The following SSBP2 variants were observed in gnomAD, a reference collection of about 807,000 sequenced individuals.
SSBP2 encodes single stranded DNA binding protein 2, also known as single-stranded DNA-binding protein 2.
SSBP2 carries 17 observed loss-of-function variants against 61.8 expected under a neutral mutation model. The ratio of observed to expected loss-of-function variants is 0.28; its 90% CI spans 0.19 to 0.41. The LOEUF (loss-of-function observed/expected upper bound fraction) is 0.41, where lower values mean the gene tolerates loss of function less well. Ranked by LOEUF, SSBP2 falls within the 10% of genes least tolerant of loss-of-function variation. The probability of loss-of-function intolerance (pLI) is 1.00; values close to 1 mark genes in which losing one functional copy is unlikely to be tolerated. For synonymous variants in SSBP2, 139 were observed against 141.3 expected, an observed-to-expected ratio of 0.98 and a Z score of 0.12; for missense variants, 310 against 458.7, an observed-to-expected ratio of 0.68 and a Z score of 2.96.
intron 4 of SSBP2, among the ~76,000 whole-genome samples, chr5:81,525,474 G>T (rs1769850952): frequency 6.6e-6 from 1 of 151,916 alleles, no homozygotes; most frequent in Non-Finnish European, 1.5e-5. Context: ...AAGGATAATG[G>T]TCTTCAGTAG....
chr5:81,479,842 G>A (rs1170027360), intron 6 of SSBP2, among the ~76,000 whole-genome samples: 1 of 152,072 alleles, frequency 6.6e-6, no homozygotes, highest in Admixed American at 6.6e-5. Context: ...ATTTGTCCAT[G>A]GTTATGCTAT....
chr5:81,460,981 G>A, intron 10 of SSBP2, 74 bp downstream of exon 10: 1 of 964,284 alleles, frequency 1.0e-6, no homozygotes, highest in Non-Finnish European at 1.4e-6. Context: ...GCTTTCAAAA[G>A]CAAAATGTTT....
intron 4 of SSBP2, among the ~76,000 whole-genome samples, chr5:81,574,727 G>C (rs547317105): frequency 1.3e-4 from 20 of 151,886 alleles, no homozygotes. Flanking sequence ...GCATGTACAA[G>C]ACTGACAGCT....
At chr5:81,650,364 T>C (rs951957011) in intron 1 of SSBP2, 25 bp from the exon 2 acceptor site, 1 of 1,434,110 alleles carries the variant, frequency 7.0e-7, no homozygotes, top group South Asian at 1.3e-5. Flanking sequence ...AAATATTTAT[T>C]GAGAAGAGGA....
At chr5:81,461,602 C>A (rs1042921958) in intron 9 of SSBP2, among the ~76,000 whole-genome samples, 79 of 147,326 alleles carry the variant, frequency 5.4e-4, no homozygotes, top group African/African-American at 2.0e-3. Context: ...TAAAAAAAAA[C>A]CACAGAGTAT....
At chr5:81,622,838 C>T (rs1237951012) in intron 3 of SSBP2, among the ~76,000 whole-genome samples, 1 of 152,044 alleles carries the variant, frequency 6.6e-6, no homozygotes, top group East Asian at 1.9e-4. Flanking sequence ...AAGTTAAGTT[C>T]ATAATTAATT....
chr5:81,474,505 G>T lies in SSBP2; in HGVS notation c.490C>A (p.Arg164=), dbSNP rs1765458310. Residue 164 remains arginine, a synonymous_variant, in exon 7 of 17, where the codon CGA becomes AGA. Coordinates refer to ENST00000320672, the MANE Select transcript of SSBP2 (RefSeq NM_012446.5). ...ACTTTAGAGTAGTCACCTTGTTGTCGAGTTGGATCCATTCCACTGGGGAGT... is the reference window on the plus strand; with the variant it reads ...ACTTTAGAGTAGTCACCTTGTTGTCTAGTTGGATCCATTCCACTGGGGAGT... 2 of 1,612,160 alleles carry T rather than the reference G, an allele frequency of 1.2e-6. No homozygotes were observed. Among genetic ancestry groups the T allele is most frequent in the Non-Finnish European group, 1.7e-6 (2 of 1,178,824 alleles).
rs190536021 is a variant in SSBP2 at position 81,695,039 on chromosome 5, A to C, written c.63-44700T>G. 3.2e-3 allele frequency among the ~76,000 whole-genome samples: 483 copies of C among 152,336 alleles called. 9 individuals carry two copies. Among genetic ancestry groups the C allele is most frequent in the East Asian group, 1.9e-3 (10 of 5,186 alleles). On this transcript the variant is annotated intron_variant, in intron 1 of 16. Coordinates refer to ENST00000320672, the MANE Select transcript of SSBP2 (RefSeq NM_012446.5). Reference sequence around the variant, plus strand: ...AAACAAAACTCAAATAACCAGGTCTAAACCTTGCAATGTAGCTTCAATTAC... The same window carrying C: ...AAACAAAACTCAAATAACCAGGTCTCAACCTTGCAATGTAGCTTCAATTAC...
chr5:81,668,828 T>C (rs1297490058), intron 1 of SSBP2, among the ~76,000 whole-genome samples: 1 of 152,130 alleles, frequency 6.6e-6, no homozygotes, highest in Non-Finnish European at 1.5e-5. Context: ...ACAGAAAATT[T>C]AAAGACAGAA....
At chr5:81,718,975 G>A (rs565030567) in intron 1 of SSBP2, among the ~76,000 whole-genome samples, 4 of 152,118 alleles carry the variant, frequency 2.6e-5, no homozygotes, top group East Asian at 1.9e-4. Context: ...TATAACTAAC[G>A]AACACTAAAT....
At chr5:81,705,261 C>T (rs921262802) in intron 1 of SSBP2, among the ~76,000 whole-genome samples, 1 of 151,950 alleles carries the variant, frequency 6.6e-6, no homozygotes, top group African/African-American at 2.4e-5. Context: ...TTTCTATACT[C>T]CTCTTATTAA....
At chr5:81,480,191 T>C (rs538714130) in intron 6 of SSBP2, among the ~76,000 whole-genome samples, 58 of 152,304 alleles carry the variant, frequency 3.8e-4, no homozygotes, top group African/African-American at 1.4e-3. Flanking sequence ...CATAAAAGAA[T>C]TATTTAGTTC....
chr5:81,629,555 T>C (rs976637140), intron 3 of SSBP2, among the ~76,000 whole-genome samples: 3 of 152,214 alleles, frequency 2.0e-5, no homozygotes, highest in African/African-American at 7.2e-5. Flanking sequence ...TTGCTCCAAT[T>C]ACCCTTCTCT....
intron 4 of SSBP2, among the ~76,000 whole-genome samples, chr5:81,546,260 A>G (rs1191140527): frequency 1.3e-5 from 2 of 152,218 alleles, no homozygotes; most frequent in African/African-American, 4.8e-5. Context: ...CATATTACTA[A>G]GTAGCAAAAT....
intron 9 of SSBP2, among the ~76,000 whole-genome samples, chr5:81,463,752 A>C (rs1764698331): frequency 6.6e-6 from 1 of 150,696 alleles, no homozygotes; most frequent in South Asian, 2.1e-4. Context: ...CAAAGAGAAA[A>C]ATCCTCTTTT....
At chr5:81,735,897 G>A (rs182288769) in intron 1 of SSBP2, among the ~76,000 whole-genome samples, 39 of 152,184 alleles carry the variant, frequency 2.6e-4, no homozygotes, top group African/African-American at 9.2e-4. Flanking sequence ...TCTTAAAAAT[G>A]ACAAAACGTA....
chr5:81,531,637 G>T lies in SSBP2; in HGVS notation c.283-17920C>A, dbSNP rs1339122256. On this transcript the variant is annotated intron_variant, in intron 4 of 16. Transcript: ENST00000320672. ...CAATATATGAAGAATAAAGTAGGCT[G>T]CAAGGACACAGAGGAAATGGCTGTA... Among the ~76,000 whole-genome samples the T allele has an allele frequency of 2.0e-5, 3 of 152,206 alleles. No individual in the cohort carries two copies. In the South Asian group the frequency reaches 6.2e-4, roughly 32 times the overall value.
chr5:81,568,542 A>T (rs1183798670), intron 4 of SSBP2, among the ~76,000 whole-genome samples: 1 of 152,200 alleles, frequency 6.6e-6, no homozygotes, highest in African/African-American at 2.4e-5. Flanking sequence ...TTATAAACTG[A>T]ATCCTTATGA....
At chr5:81,462,033 C>T (rs372213348) in intron 9 of SSBP2, among the ~76,000 whole-genome samples, 1 of 152,094 alleles carries the variant, frequency 6.6e-6, no homozygotes, top group South Asian at 2.1e-4. Flanking sequence ...AAAAAAATCC[C>T]TTGATTCTAA....
Sources: gnomAD v4.1 joint callset for allele counts (sites outside exome capture counted in the v4.1 genomes callset) on GRCh38, gnomAD v4.1.1 for gene constraint, MANE v1.5 for transcripts, NCBI Gene and HGNC (gene_info 2026-07-23, HGNC 2026-07-21) for gene names.